CECR2: variants seen among roughly 807,000 people sequenced by gnomAD.
CECR2 encodes chromatin remodeling regulator CECR2.
A neutral mutation model predicts 154.5 loss-of-function variants in CECR2; 30 were observed. That is an observed-to-expected ratio of 0.19 (90% CI 0.15 to 0.26). CECR2 has a LOEUF of 0.26. Among genes scored for constraint, CECR2 ranks in the 10% least tolerant of loss-of-function variants. The pLI is 1.00. For missense variants in CECR2, 1,743 were observed against 1,829.3 expected, an observed-to-expected ratio of 0.95 and a Z score of 0.86; for synonymous variants, 725 against 683.7, an observed-to-expected ratio of 1.06 and a Z score of -0.94.
In CECR2 at chr22:17,542,385, T is replaced by C. The variant is rs1288080187; in HGVS notation, c.2242T>C (p.Phe748Leu). The C allele has an allele frequency of 1.2e-6, 2 of 1,613,686 alleles. No individual in the cohort carries two copies. Among genetic ancestry groups the C allele is most frequent in the East Asian group, 2.2e-5 (1 of 44,888 alleles). ...GGGGGCTCCAGCCCGGCCACCAGAC[T>C]TTCCTGAAAGCTCAGAAATTCCTCC... ...HGGAPARPPD[F>L]PESSEIPPSH... The change falls in exon 16 of 19, where the codon TTT (phenylalanine) becomes CTT (leucine). Residue 748 changes from phenylalanine (F) to leucine (L), a missense_variant. Physicochemically the swap from Phe to Leu is conservative, Grantham distance 22. Coordinates refer to ENST00000262608, the MANE Select transcript of CECR2 (RefSeq NM_001290047.2).
chr22:17,545,541 G>T (rs1382884933), intron 16 of CECR2, among the ~76,000 whole-genome samples: 1 of 151,640 alleles, frequency 6.6e-6, no homozygotes, highest in East Asian at 2.0e-4. Context: ...GGACACACTT[G>T]GACTTAAGAT....
intron 1 of CECR2, among the ~76,000 whole-genome samples, chr22:17,426,384 T>C (rs1213016425): frequency 6.6e-6 from 1 of 151,772 alleles, no homozygotes; most frequent in East Asian, 1.9e-4. Context: ...CTGAGACGAG[T>C]CTCTCTCTGT....
chr22:17,507,131 G>A (rs1348198495), intron 7 of CECR2, among the ~76,000 whole-genome samples: 1 of 152,158 alleles, frequency 6.6e-6, no homozygotes, highest in African/African-American at 2.4e-5. Context: ...CTACAGGGAG[G>A]CAAACATGTC....
intron 1 of CECR2, among the ~76,000 whole-genome samples, chr22:17,391,764 A>G (rs1424811856): frequency 2.0e-5 from 3 of 152,250 alleles, no homozygotes; most frequent in Non-Finnish European, 2.9e-5. Context: ...AAATATACCA[A>G]TATAGTGTGC....
chr22:17,465,375 G>GC (rs1330634310), intron 1 of CECR2, among the ~76,000 whole-genome samples: 1 of 151,970 alleles, frequency 6.6e-6, no homozygotes, highest in Non-Finnish European at 1.5e-5. Flanking sequence ...TGTCTCCCAG[G>GC]CTGGAGTACA....
upstream of CECR2, chr22:17,369,379 T>G (rs2063026619): frequency 6.6e-6 from 1 of 150,626 alleles, no homozygotes; most frequent in Non-Finnish European, 1.5e-5. Flanking sequence ...GGGTTGTTGT[T>G]GTGGCGCGGG....
rs139596247 is a variant in CECR2 at position 17,435,142 on chromosome 22, T to C, written c.127-42446T>C. Among the ~76,000 whole-genome samples, 10 of 152,268 alleles carry C rather than the reference T, an allele frequency of 6.6e-5. No individual in the cohort carries two copies. The East Asian group carries it at 1.5e-3, about 23-fold the overall frequency. On this transcript the variant is annotated intron_variant, in intron 1 of 18. Coordinates refer to ENST00000262608, the MANE Select transcript of CECR2 (RefSeq NM_001290047.2). ...ACTGTGAATCAGTCAGACTTGATTT[T>C]TCAAGCAAAGGGAGATACCCAGATT...
In CECR2 at chr22:17,484,528, T is replaced by A. The variant is rs528411002; in HGVS notation, c.221+6846T>A. 3.3e-5 allele frequency among the ~76,000 whole-genome samples: 5 copies of A among 152,058 alleles called. No homozygotes were observed. In the South Asian group the frequency reaches 1.0e-3, roughly 32 times the overall value. On this transcript the variant is annotated intron_variant, in intron 2 of 18. Transcript: ENST00000262608. The stretch of plus-strand genomic sequence containing the variant: ...ACTGTTTTTCTGTTGTTGTTTTTTT[T>A]AATTTTTTTTCCCCACCATTAAAAA...
intron 2 of CECR2, 96 bp downstream of exon 2, chr22:17,477,778 A>G: frequency 3.6e-6 from 3 of 836,568 alleles, no homozygotes; most frequent in Non-Finnish European, 6.1e-6. Context: ...ACCAGAACCG[A>G]TCATTAGGCA....
intron 1 of CECR2, among the ~76,000 whole-genome samples, chr22:17,397,597 ACC>A (rs2053831124): frequency 2.0e-5 from 3 of 151,116 alleles, no homozygotes; most frequent in Admixed American, 1.3e-4. Flanking sequence ...TCCCGGGTTC[ACC>A]CCATTCTCCT....
chr22:17,379,722 TA>T (rs2063164770), intron 1 of CECR2, among the ~76,000 whole-genome samples: 1 of 152,140 alleles, frequency 6.6e-6, no homozygotes, highest in Admixed American at 6.6e-5. Context: ...AAATGTTTTT[TA>T]ATGATTTTTC....
intron 7 of CECR2, among the ~76,000 whole-genome samples, chr22:17,505,790 G>A (rs2146902228): frequency 6.9e-6 from 1 of 144,498 alleles, no homozygotes; most frequent in Admixed American, 7.0e-5. Context: ...TACCGCCTCA[G>A]CCTCCCAAAG....
At chr22:17,459,612 C>T (rs939030363) in intron 1 of CECR2, among the ~76,000 whole-genome samples, 5 of 152,062 alleles carry the variant, frequency 3.3e-5, no homozygotes, top group East Asian at 1.9e-4. Flanking sequence ...CAGCACCTGC[C>T]CAAAGATGCA....
chr22:17,416,711 G>A (rs1405660876), intron 1 of CECR2, among the ~76,000 whole-genome samples: 3 of 151,990 alleles, frequency 2.0e-5, no homozygotes, highest in African/African-American at 4.8e-5. Flanking sequence ...GATGTTGGCC[G>A]AGCTGGTCTG....
At chr22:17,387,926 GGTTTTAA>G (rs1239441016) in intron 1 of CECR2, among the ~76,000 whole-genome samples, 4 of 151,606 alleles carry the variant, frequency 2.6e-5, no homozygotes, top group Admixed American at 2.0e-4. Flanking sequence ...CTATATTTGA[GGTTTTAA>G]GTTTTGAGTT....
At chr22:17,516,589 G>A (rs1312956983) in intron 8 of CECR2, among the ~76,000 whole-genome samples, 1 of 152,044 alleles carries the variant, frequency 6.6e-6, no homozygotes, top group African/African-American at 2.4e-5. Context: ...GTTCTCAGGA[G>A]ATCTGGCTGG....
At chr22:17,370,303 C>T (rs1323804618) in intron 1 of CECR2, among the ~76,000 whole-genome samples, 2 of 142,224 alleles carry the variant, frequency 1.4e-5, no homozygotes, top group Non-Finnish European at 3.0e-5. Flanking sequence ...GCCAGCTGCT[C>T]CGGCGGGGCC....
At chr22:17,405,429 G>GATAAGATAAA (rs1376891160) in intron 1 of CECR2, among the ~76,000 whole-genome samples, 1 of 147,248 alleles carries the variant, frequency 6.8e-6, no homozygotes, top group Non-Finnish European at 1.5e-5. Flanking sequence ...AATAAGATAA[G>GATAAGATAAA]ATAAGATAAA....
chr22:17,472,734 G>T (rs1005797786), intron 1 of CECR2, among the ~76,000 whole-genome samples: 2 of 152,016 alleles, frequency 1.3e-5, no homozygotes, highest in Non-Finnish European at 2.9e-5. Flanking sequence ...TTTATACAGG[G>T]ATTAGAAACA....
Sources: gnomAD v4.1 joint callset for allele counts (sites outside exome capture counted in the v4.1 genomes callset) on GRCh38, gnomAD v4.1.1 for gene constraint, MANE v1.5 for transcripts, NCBI Gene and HGNC (gene_info 2026-07-23, HGNC 2026-07-21) for gene names.